Variants in CDO1 observed in about 807,000 individuals in gnomAD.
CDO1 encodes the protein cysteine dioxygenase type 1.
A neutral mutation model predicts 24.5 loss-of-function variants in CDO1; 19 were observed. That is an observed-to-expected ratio of 0.77 (90% confidence interval 0.54 to 1.14). The LOEUF (loss-of-function observed/expected upper bound fraction) is 1.14. Among genes scored for constraint, CDO1 ranks in the 50% most tolerant of loss-of-function variants. CDO1 has a pLI of 0.00. For missense variants in CDO1, 244 were observed against 244.8 expected, an observed-to-expected ratio of 1.00 and a Z score of 0.02; for synonymous variants, 91 against 87.0, an observed-to-expected ratio of 1.05 and a Z score of -0.26.
At chr5:115,812,057 A>G (rs1760211791) in intron 2 of CDO1, among the ~76,000 whole-genome samples, 1 of 152,160 alleles carries the variant, frequency 6.6e-6, no homozygotes, top group African/African-American at 2.4e-5. Context: ...CATTTTGGGT[A>G]TTCATTTCAT....
intron 4 of CDO1, 75 bp downstream of exon 4, chr5:115,806,274 T>C: frequency 3.2e-6 from 3 of 952,146 alleles, no homozygotes; most frequent in Non-Finnish European, 4.7e-6. Context: ...TTAAGACTCA[T>C]CTCATTCTTT....
chr5:115,813,658 T>A (rs1181167181), intron 1 of CDO1, among the ~76,000 whole-genome samples: 2 of 151,630 alleles, frequency 1.3e-5, no homozygotes, highest in Admixed American at 6.6e-5. Flanking sequence ...TGTAGCTAAA[T>A]CAAGACTTGA....
At chr5:115,806,650 T>C (rs1759960659) in intron 3 of CDO1, 132 bp from the exon 4 acceptor site, 1 of 688,336 alleles carries the variant, frequency 1.5e-6, no homozygotes, top group African/African-American at 1.9e-5. Context: ...AGAATTGAAC[T>C]TGCAGTTAAA....
At chr5:115,810,424 G>C (rs902982848) in intron 3 of CDO1, among the ~76,000 whole-genome samples, 1 of 152,140 alleles carries the variant, frequency 6.6e-6, no homozygotes, top group Admixed American at 6.5e-5. Flanking sequence ...GAAGAACATA[G>C]GTTTTTCAAT....
chr5:115,815,151 C>A (rs1760372613), intron 1 of CDO1, among the ~76,000 whole-genome samples: 1 of 152,162 alleles, frequency 6.6e-6, no homozygotes, highest in Non-Finnish European at 1.5e-5. Context: ...AAAGAACCTG[C>A]TCCCAAGAAA....
At position 115,816,520 on chromosome 5, in the gene CDO1, C is replaced by T; in HGVS notation, c.-123G>A. ...CTAGACCGCTAAGCAGACACACACG[C>T]ACAAACCCAGCATTAGAGTGCCGAA... On this transcript the variant is annotated 5_prime_UTR_variant, in exon 1 of 5. Transcript: ENST00000250535. 6 of 1,065,598 alleles carry T rather than the reference C, an allele frequency of 5.6e-6. No homozygotes were observed. Among genetic ancestry groups the T allele is most frequent in the Non-Finnish European group, 6.9e-6 (5 of 721,128 alleles). 66.0% of individuals were successfully genotyped at this position (1,065,598 alleles called of 1,614,324 possible). A position where few individuals can be genotyped will look rare whatever the true frequency, so the allele number is the denominator to read the frequency against.
At chr5:115,808,053 C>T (rs1436348601) in intron 3 of CDO1, among the ~76,000 whole-genome samples, 2 of 152,120 alleles carry the variant, frequency 1.3e-5, no homozygotes, top group African/African-American at 4.8e-5. Context: ...GATCTTGGCT[C>T]ATTGTAGCCT....
chr5:115,805,741 T>C (rs1382087839), intron 4 of CDO1, among the ~76,000 whole-genome samples: 1 of 152,224 alleles, frequency 6.6e-6, no homozygotes, highest in Non-Finnish European at 1.5e-5. Flanking sequence ...TCACACATTG[T>C]CTATTTCTGG....
chr5:115,813,262 A>G lies in CDO1; in HGVS notation c.171-4T>C. 3 of 1,510,816 alleles carry G rather than the reference A, an allele frequency of 2.0e-6. No individual in the cohort carries two copies. Among genetic ancestry groups the G allele is most frequent in the Non-Finnish European group, 2.8e-6 (3 of 1,087,846 alleles). The allele number at this position is 1,510,816 out of a possible 1,614,324, so 93.6% of individuals were successfully genotyped here. ...ATCCACAAGATTTCGGGTATACCTA[A>G]AAAAAAACAATATATTCAGAAGTTT... is the stretch of plus-strand genomic sequence containing the variant. On this transcript the variant is annotated splice_region_variant and splice_polypyrimidine_tract_variant and intron_variant, in intron 1 of 4. Transcript: ENST00000250535.
intron 3 of CDO1, chr5:115,809,780 G>A (rs376194669): frequency 2.0e-5 from 3 of 152,018 alleles, no homozygotes; most frequent in Admixed American, 6.6e-5. Context: ...ATATCCCACC[G>A]AATATTTTAA....
intron 4 of CDO1, among the ~76,000 whole-genome samples, chr5:115,806,007 A>G (rs758308763): frequency 3.3e-5 from 5 of 152,242 alleles, no homozygotes; most frequent in Non-Finnish European, 7.3e-5. Context: ...ACAAAGGTTA[A>G]TTATGCAACT....
intron 3 of CDO1, among the ~76,000 whole-genome samples, chr5:115,808,604 A>G (rs866659969): frequency 2.7e-4 from 41 of 152,284 alleles, no homozygotes; most frequent in African/African-American, 9.4e-4. Context: ...TAAGCCTTAC[A>G]TTGTAAGGAA....
At chr5:115,811,057 C>A in intron 3 of CDO1, 104 bp downstream of exon 3, 1 of 1,061,006 alleles carries the variant, frequency 9.4e-7, no homozygotes, top group South Asian at 1.6e-5. Context: ...TAAATCATGA[C>A]TCATGATCCA....
chr5:115,813,180 C>T lies in CDO1; in HGVS notation c.248+1G>A. The T allele has an allele frequency of 1.9e-6, 3 of 1,550,868 alleles. No homozygotes were observed. Among genetic ancestry groups the T allele is most frequent in the Non-Finnish European group, 2.7e-6 (3 of 1,125,272 alleles). ...TATCTGTGAATGAATAGTTATTTTA[C>T]CTGCCATGTCCTTCACCCCAACAGA... is the stretch of plus-strand genomic sequence containing the variant. On this transcript the variant is annotated splice_donor_variant, in intron 2 of 4. Coordinates refer to ENST00000250535, the MANE Select transcript of CDO1 (RefSeq NM_001801.3). LOFTEE classifies it high-confidence loss of function.
intron 3 of CDO1, among the ~76,000 whole-genome samples, chr5:115,809,860 A>T (rs369665970): frequency 2.1e-4 from 32 of 152,272 alleles, no homozygotes; most frequent in East Asian, 1.5e-3. Context: ...GGTTGATCTC[A>T]CTGGAGCTGG....
At chr5:115,805,590 T>C (rs1759913502) in intron 4 of CDO1, 128 bp from the exon 5 acceptor site, 1 of 740,476 alleles carries the variant, frequency 1.4e-6, no homozygotes, top group Non-Finnish European at 2.3e-6. Flanking sequence ...CCTTGTTGTT[T>C]TTCCCGCAAT....
chr5:115,816,590 GC>G lies in CDO1; in HGVS notation c.-194del. ...GAGACAGCAAGAGACCCACCCCCAGGCCCCTGGCAGCGCAGTGGATCCGGGA... is the reference window on the plus strand; with the variant it reads ...GAGACAGCAAGAGACCCACCCCCAGGCCCTGGCAGCGCAGTGGATCCGGGA... On this transcript the variant is annotated 5_prime_UTR_variant, in exon 1 of 5. Coordinates refer to ENST00000250535, the MANE Select transcript of CDO1 (RefSeq NM_001801.3). 3 of 606,670 alleles carry G rather than the reference GC, an allele frequency of 4.9e-6. No individual in the cohort carries two copies. Among genetic ancestry groups the G allele is most frequent in the Non-Finnish European group, 8.7e-6 (3 of 345,530 alleles). 37.6% of individuals were successfully genotyped at this position (606,670 alleles called of 1,614,324 possible). A position where few individuals can be genotyped will look rare whatever the true frequency, so the allele number is the denominator to read the frequency against.
At chr5:115,811,087 T>G (rs1050077445) in intron 3 of CDO1, 74 bp downstream of exon 3, 21 of 1,351,026 alleles carry the variant, frequency 1.6e-5, no homozygotes, top group African/African-American at 4.4e-5. Context: ...GCATAAAAAG[T>G]GTAAGTAACC....
At chr5:115,805,593 C>T in intron 4 of CDO1, 131 bp from the exon 5 acceptor site, 2 of 737,028 alleles carry the variant, frequency 2.7e-6, no homozygotes, top group Non-Finnish European at 4.5e-6. Flanking sequence ...TGTTGTTTTT[C>T]CCGCAATAAG....
Sources: allele counts gnomAD v4.1 joint callset (sites outside exome capture counted in the v4.1 genomes callset), GRCh38; gene constraint gnomAD v4.1.1; transcripts MANE v1.5; gene names NCBI Gene and HGNC (gene_info 2026-07-23, HGNC 2026-07-21).